The following PTPRD variants were observed in gnomAD, a reference collection of about 807,000 sequenced individuals.
PTPRD encodes receptor-type tyrosine-protein phosphatase delta.
A neutral mutation model predicts 214.5 loss-of-function variants in PTPRD; 34 were observed. The observed-to-expected ratio is 0.16, with a 90% CI of 0.12 to 0.21. The LOEUF (loss-of-function observed/expected upper bound fraction) is 0.21. Ranked by LOEUF, PTPRD falls within the 10% of genes least tolerant of loss-of-function variation. PTPRD has a pLI of 1.00. For missense variants in PTPRD, 2,545 were observed against 2,398.7 expected (o/e 1.06, Z -1.27); for synonymous variants, 1,128 against 845.7 (o/e 1.33, Z -5.79).
chr9:9,458,208 A>G (rs1029700160), intron 8 of PTPRD, among the ~76,000 whole-genome samples: 1 of 152,040 alleles, frequency 6.6e-6, no homozygotes, highest in Non-Finnish European at 1.5e-5. Flanking sequence ...GTAAAGTACC[A>G]TGTAATAACA....
chr9:9,525,560 G>T (rs1482476667), intron 8 of PTPRD, among the ~76,000 whole-genome samples: 1 of 151,994 alleles, frequency 6.6e-6, no homozygotes, highest in East Asian at 1.9e-4. Context: ...AATACTAAGA[G>T]ATGAAAGCAA....
intron 8 of PTPRD, among the ~76,000 whole-genome samples, chr9:9,525,113 T>A (rs1440860215): frequency 6.6e-6 from 1 of 152,192 alleles, no homozygotes; most frequent in Non-Finnish European, 1.5e-5. Flanking sequence ...CGCCTCAGCA[T>A]CCCAAAGTGC....
rs185754157 is a variant in PTPRD at position 10,164,747 on chromosome 9, T to C, written c.-544-130957A>G. 5.3e-5 allele frequency among the ~76,000 whole-genome samples: 8 copies of C among 151,710 alleles called. No homozygotes were observed. The East Asian group carries it at 1.4e-3, about 26-fold the overall frequency. On this transcript the variant is annotated intron_variant, in intron 3 of 45. Transcript: ENST00000381196. ...TTTTATTCAAATATATATACACACA[T>C]ACATCCAGGTTTGATGAGTTAACAA... is the stretch of plus-strand genomic sequence containing the variant.
chr9:10,482,193 A>C (rs1476984754), intron 2 of PTPRD, among the ~76,000 whole-genome samples: 1 of 151,832 alleles, frequency 6.6e-6, no homozygotes, highest in African/African-American at 2.4e-5. Context: ...AACACAGTGA[A>C]ACCCCATCTC....
At chr9:9,390,958 GA>G (rs1378590025) in intron 9 of PTPRD, among the ~76,000 whole-genome samples, 1 of 152,164 alleles carries the variant, frequency 6.6e-6, no homozygotes, top group Non-Finnish European at 1.5e-5. Context: ...AGATGGTGTT[GA>G]TTGCAAGATG....
chr9:10,255,978 G>A (rs1382918997), intron 3 of PTPRD, among the ~76,000 whole-genome samples: 1 of 152,112 alleles, frequency 6.6e-6, no homozygotes, highest in Non-Finnish European at 1.5e-5. Context: ...GCAGGTGAGC[G>A]AGCACTACTG....
At chr9:10,123,049 A>G (rs2154250013) in intron 3 of PTPRD, among the ~76,000 whole-genome samples, 1 of 152,372 alleles carries the variant, frequency 6.6e-6, no homozygotes, top group African/African-American at 2.4e-5. Context: ...CAGGAGGAGA[A>G]CTAAAGTCAA....
chr9:8,539,931 G>A lies in PTPRD; in HGVS notation c.353-11152C>T, dbSNP rs149710279. 1.2e-4 allele frequency among the ~76,000 whole-genome samples: 18 copies of A among 152,146 alleles called. No individual in the cohort carries two copies. In the East Asian group the frequency reaches 3.1e-3, roughly 26 times the overall value. On this transcript the variant is annotated intron_variant, in intron 14 of 45. Transcript: ENST00000381196. ...GAAAAATGTGATCAAAAGTGAATGC[G>A]GATCTAAGAATTAGATGGTTATGAT... is the stretch of plus-strand genomic sequence containing the variant.
intron 7 of PTPRD, among the ~76,000 whole-genome samples, chr9:9,665,836 G>C (rs544198156): frequency 5.3e-5 from 8 of 151,750 alleles, no homozygotes; most frequent in African/African-American, 1.9e-4. Context: ...AAAATTCCAG[G>C]GAGCACATTT....
chr9:10,470,956 A>G (rs1463486738), intron 2 of PTPRD, among the ~76,000 whole-genome samples: 5 of 152,202 alleles, frequency 3.3e-5, no homozygotes, highest in African/African-American at 1.2e-4. Context: ...ACAAGATGGA[A>G]TATTATGCAG....
intron 8 of PTPRD, among the ~76,000 whole-genome samples, chr9:9,498,327 A>T (rs1209698383): frequency 6.6e-6 from 1 of 152,180 alleles, no homozygotes; most frequent in African/African-American, 2.4e-5. Flanking sequence ...GCACAAGTAC[A>T]GGCTTCACAG....
intron 4 of PTPRD, among the ~76,000 whole-genome samples, chr9:10,000,837 T>C (rs1216635562): frequency 4.6e-5 from 7 of 152,240 alleles, no homozygotes. Flanking sequence ...CCCCTAGCTA[T>C]CTCCACGGGT....
intron 10 of PTPRD, among the ~76,000 whole-genome samples, chr9:9,068,446 AC>A (rs2099738525): frequency 6.6e-6 from 1 of 152,094 alleles, no homozygotes; most frequent in Admixed American, 6.6e-5. Flanking sequence ...ATGCCATTTT[AC>A]TTTCCACCAA....
At position 10,034,794 on chromosome 9, in the gene PTPRD, T is replaced by C. The variant is rs569256010; in HGVS notation, c.-544-1004A>G. On this transcript the variant is annotated intron_variant, in intron 3 of 45. Transcript: ENST00000381196. ...TATGGCTGCATAGTATTCCATGATATATATGTAACACATTTTCTTTATGCA... is the reference window on the plus strand; with the variant it reads ...TATGGCTGCATAGTATTCCATGATACATATGTAACACATTTTCTTTATGCA... Among the ~76,000 whole-genome samples, 16 of 152,320 alleles carry C rather than the reference T, an allele frequency of 1.1e-4. No homozygotes were observed. The East Asian group carries it at 2.1e-3, about 20-fold the overall frequency.
At chr9:9,367,426 T>C (rs963056824) in intron 9 of PTPRD, among the ~76,000 whole-genome samples, 1 of 151,714 alleles carries the variant, frequency 6.6e-6, no homozygotes, top group Non-Finnish European at 1.5e-5. Context: ...ATTGACATTT[T>C]GGCCTACAAT....
intron 2 of PTPRD, among the ~76,000 whole-genome samples, chr9:10,598,711 G>GTGTGTGTGTGGTGTGTGGT (rs57068953): frequency 7.3e-6 from 1 of 137,076 alleles, no homozygotes; most frequent in African/African-American, 2.6e-5. Context: ...TGTGGTGTGT[G>GTGTGTGTGTGGTGTGTGGT]GTGTGTGTGT....
At chr9:9,681,349 A>G (rs1489867878) in intron 7 of PTPRD, among the ~76,000 whole-genome samples, 1 of 151,764 alleles carries the variant, frequency 6.6e-6, no homozygotes, top group Non-Finnish European at 1.5e-5. Context: ...AAGACATTAA[A>G]AATATCTGAA....
In PTPRD at chr9:10,164,198, A is replaced by T. The variant is rs535939711; in HGVS notation, c.-544-130408T>A. Among the ~76,000 whole-genome samples, 6 of 151,690 alleles carry T rather than the reference A, an allele frequency of 4.0e-5. No homozygotes were observed. In the South Asian group the frequency reaches 1.0e-3, roughly 26 times the overall value. ...AAATACAGAACAGAGAACACATATA[A>T]TAATATCTTCAGGTTTTCATTTCCA... On this transcript the variant is annotated intron_variant, in intron 3 of 45. Transcript: ENST00000381196.
chr9:9,116,326 A>T (rs1047743910), intron 10 of PTPRD, among the ~76,000 whole-genome samples: 6 of 152,122 alleles, frequency 3.9e-5, no homozygotes, highest in Non-Finnish European at 8.8e-5. Flanking sequence ...AGCAACTTGG[A>T]TGGTGCTGGA....
Sources: gnomAD v4.1 joint callset for allele counts (sites outside exome capture counted in the v4.1 genomes callset) on GRCh38, gnomAD v4.1.1 for gene constraint, MANE v1.5 for transcripts, NCBI Gene and HGNC (gene_info 2026-07-23, HGNC 2026-07-21) for gene names.